The following JAK2 variants were observed in gnomAD, a reference collection of about 807,000 sequenced individuals.
JAK2 encodes the protein tyrosine-protein kinase JAK2.
In JAK2, 86 loss-of-function variants were observed where a neutral mutation model predicts 139.3. The observed-to-expected ratio is 0.62, with a 90% confidence interval of 0.52 to 0.74. The LOEUF is 0.74. JAK2 is among the 30% of genes least tolerant of loss of function. The pLI is 0.00. For missense variants in JAK2, 1,421 were observed against 1,360.3 expected (o/e 1.04, Z -0.70); for synonymous variants, 490 against 437.7 (o/e 1.12, Z -1.49).
intron 20 of JAK2, 71 bp from the exon 21 acceptor site, chr9:5,090,375 T>C: frequency 1.6e-5 from 18 of 1,121,592 alleles, no homozygotes; most frequent in Non-Finnish European, 2.0e-5. Context: ...CATTTATGTA[T>C]GATAGTTTTC....
At chr9:5,099,658 A>G (rs1270344206) in intron 22 of JAK2, 2 of 152,206 alleles carry the variant, frequency 1.3e-5, no homozygotes, top group Non-Finnish European at 2.9e-5. Flanking sequence ...TCCAACCTCT[A>G]GTCATCAAAT....
intron 3 of JAK2, among the ~76,000 whole-genome samples, chr9:5,029,050 CTT>C (rs1353593935): frequency 6.6e-6 from 1 of 152,176 alleles, no homozygotes; most frequent in Non-Finnish European, 1.5e-5. Context: ...TTTAGCCTCT[CTT>C]GGCTTTTAAT....
chr9:5,117,673 T>A lies in JAK2; in HGVS notation c.3060-5331T>A, dbSNP rs561560350. Among the ~76,000 whole-genome samples, 4 of 151,546 alleles carry A rather than the reference T, an allele frequency of 2.6e-5. No homozygotes were observed. The East Asian group carries it at 5.8e-4, about 22-fold the overall frequency. ...GGTAATGGTTTTATCTTAAATAAAT[T>A]AATAAATATTTTTATATTTTATTAG... On this transcript the variant is annotated intron_variant, in intron 22 of 24. Coordinates refer to ENST00000381652, the MANE Select transcript of JAK2 (RefSeq NM_004972.4).
intron 2 of JAK2, among the ~76,000 whole-genome samples, chr9:5,015,871 C>G (rs780881808): frequency 6.6e-6 from 1 of 151,706 alleles, no homozygotes; most frequent in African/African-American, 2.4e-5. Flanking sequence ...GTTCTAAACA[C>G]GATTGTGTCA....
At chr9:5,036,990 T>C (rs1007525998) in intron 4 of JAK2, among the ~76,000 whole-genome samples, 13 of 152,114 alleles carry the variant, frequency 8.5e-5, no homozygotes, top group South Asian at 2.1e-4. Flanking sequence ...ATCCAGAATA[T>C]ACAATGAACT....
At chr9:5,023,942 AGTAAGATTTTAGCTT>A (rs1443193065) in intron 3 of JAK2, among the ~76,000 whole-genome samples, 1 of 152,072 alleles carries the variant, frequency 6.6e-6, no homozygotes, top group South Asian at 2.1e-4. Context: ...TTTTTTAGCT[AGTAAGATTTTAGCTT>A]GTAAGATTTT....
intron 2 of JAK2, among the ~76,000 whole-genome samples, chr9:4,987,691 T>TA (rs1554652696): frequency 1.7e-4 from 24 of 141,882 alleles, no homozygotes; most frequent in African/African-American, 3.9e-4. Flanking sequence ...AGCCGAGATC[T>TA]CACCACTGCA....
At chr9:5,050,665 C>T (rs1201774862) in intron 5 of JAK2, 21 bp from the exon 6 acceptor site, 1 of 1,602,916 alleles carries the variant, frequency 6.2e-7, no homozygotes. Flanking sequence ...TGAGATATTT[C>T]CTTCAAATTT....
chr9:5,075,200 G>C (rs1029552763), intron 14 of JAK2, among the ~76,000 whole-genome samples: 8 of 151,680 alleles, frequency 5.3e-5, no homozygotes, highest in African/African-American at 1.9e-4. Flanking sequence ...ATAAGTGCAA[G>C]GTGAAGCAGC....
chr9:5,110,952 C>G lies in JAK2; in HGVS notation c.3060-12052C>G. The G allele has an allele frequency of 3.4e-6, 2 of 593,834 alleles. 1 individual carries two copies. Among genetic ancestry groups the G allele is most frequent in the East Asian group, 8.2e-5 (2 of 24,394 alleles). The allele number at this position is 593,834 out of a possible 1,614,324, so 36.8% of individuals were successfully genotyped here. ...AGAGGATGGCATCCGTGGACACGGA[C>G]AAGGAGCTCAGTAACCTGGACTTCA... On this transcript the variant is annotated intron_variant, in intron 22 of 24. Transcript: ENST00000381652.
At chr9:5,025,538 C>CTTT (rs34901657) in intron 3 of JAK2, among the ~76,000 whole-genome samples, 5,743 of 140,322 alleles carry the variant, frequency 0.041, 213 homozygotes, top group Non-Finnish European at 0.057. Flanking sequence ...AGTTTGTTTC[C>CTTT]TTTTTTTTTT....
intron 11 of JAK2, 28 bp from the exon 12 acceptor site, chr9:5,069,897 G>A (rs775508762): frequency 6.8e-7 from 1 of 1,467,086 alleles, no homozygotes; most frequent in South Asian, 1.3e-5. Context: ...GTATTTTGAA[G>A]TGATATATAT....
intron 5 of JAK2, among the ~76,000 whole-genome samples, chr9:5,049,495 T>G (rs546452289): frequency 1.3e-5 from 2 of 152,222 alleles, no homozygotes; most frequent in Non-Finnish European, 2.9e-5. Flanking sequence ...ACTGTGAAGT[T>G]TCAAATCTTC....
chr9:5,040,133 A>G (rs984017906), intron 4 of JAK2, among the ~76,000 whole-genome samples: 2 of 152,242 alleles, frequency 1.3e-5, no homozygotes, highest in Non-Finnish European at 2.9e-5. Context: ...AGGAATTGAC[A>G]GTCTCAATAT....
chr9:5,077,643 A>G (rs1563981011), intron 15 of JAK2, 63 bp downstream of exon 15: 3 of 1,065,048 alleles, frequency 2.8e-6, no homozygotes, highest in Non-Finnish European at 3.8e-6. Flanking sequence ...TATACAAATT[A>G]TCTTTACCTG....
intron 16 of JAK2, 47 bp downstream of exon 16, chr9:5,078,491 G>C: frequency 6.7e-7 from 1 of 1,493,412 alleles, no homozygotes; most frequent in Non-Finnish European, 9.2e-7. Flanking sequence ...CTTTACTTGG[G>C]CAGTGGTGTA....
chr9:5,111,772 G>T (rs948357708), intron 22 of JAK2: 23 of 422,160 alleles, frequency 5.4e-5, no homozygotes, highest in African/African-American at 4.7e-4. Flanking sequence ...GTGGGCTTCC[G>T]GCTGCATCCA....
chr9:5,024,400 C>T (rs896037989), intron 3 of JAK2, among the ~76,000 whole-genome samples: 1 of 152,100 alleles, frequency 6.6e-6, no homozygotes, highest in Admixed American at 6.5e-5. Context: ...CTCTTTCAGT[C>T]TTTGCAGATT....
At chr9:5,038,117 T>G (rs1308191945) in intron 4 of JAK2, among the ~76,000 whole-genome samples, 1 of 152,218 alleles carries the variant, frequency 6.6e-6, no homozygotes, top group African/African-American at 2.4e-5. Context: ...GTTCTTCTTT[T>G]GTTAAATATT....
Sources: allele counts gnomAD v4.1 joint callset (sites outside exome capture counted in the v4.1 genomes callset), GRCh38; gene constraint gnomAD v4.1.1; transcripts MANE v1.5; gene names NCBI Gene and HGNC (gene_info 2026-07-23, HGNC 2026-07-21).